MYPN: variants seen among roughly 807,000 people sequenced by gnomAD.
The protein encoded by MYPN is myopalladin.
A neutral mutation model predicts 129.4 loss-of-function variants in MYPN; 63 were observed. The ratio of observed to expected loss-of-function variants is 0.49; its 90% CI spans 0.40 to 0.60. The LOEUF is 0.60. Among genes scored for constraint, MYPN ranks in the 20% least tolerant of loss-of-function variants. MYPN has a pLI of 0.00. For missense variants in MYPN, 1,596 were observed against 1,635.4 expected, an observed-to-expected ratio of 0.98 and a Z score of 0.42; for synonymous variants, 629 against 600.9, an observed-to-expected ratio of 1.05 and a Z score of -0.68.
Position 68,121,749 on chromosome 10 carries a change from A to C in MYPN, c.311A>C (p.Gln104Pro). The change falls in exon 2 of 20, where the codon CAG (glutamine) becomes CCG (proline). Residue 104 changes from glutamine (Q) to proline (P), a missense_variant. Gln to Pro is a moderately conservative substitution (Grantham distance 76). Transcript: ENST00000358913. The stretch of plus-strand genomic sequence containing the variant: ...GCTAGAAAACGACTTTCTCCTGATC[A>C]GATGAAACACTCACCTAATTTAAGT... ...TQARKRLSPD[Q>P]MKHSPNLSFE... 6.2e-7 allele frequency: 1 copy of C among 1,614,238 alleles called. No homozygotes were observed. The highest frequency in any genetic ancestry group is 1.7e-5 in the Admixed American group (1 of 60,028).
At position 68,199,619 on chromosome 10, in the gene MYPN, G is replaced by C. The variant is rs2043676446; in HGVS notation, c.3493+44G>C. ...ACCCCTAAACACAACTTCCTCCAAAGTCATTACCCAAAGAGGCAGAGCCTC... is the reference window on the plus strand; with the variant it reads ...ACCCCTAAACACAACTTCCTCCAAACTCATTACCCAAAGAGGCAGAGCCTC... On this transcript the variant is annotated intron_variant, in intron 17 of 19. Coordinates refer to ENST00000358913, the MANE Select transcript of MYPN (RefSeq NM_032578.4). The C allele has an allele frequency of 3.8e-6, 6 of 1,586,458 alleles. 1 individual carries two copies. In the South Asian group the frequency reaches 6.6e-5, roughly 18 times the overall value.
At chr10:68,199,990 C>T in intron 17 of MYPN, among the ~76,000 whole-genome samples, 1 of 152,212 alleles carries the variant, frequency 6.6e-6, no homozygotes, top group Admixed American at 6.5e-5. Flanking sequence ...CTGCCTGGCA[C>T]CTCCTACTCA....
intron 8 of MYPN, chr10:68,165,343 T>C (rs962719704): frequency 7.0e-5 from 28 of 397,618 alleles, no homozygotes; most frequent in Non-Finnish European, 1.2e-4. Context: ...TCCCAGCTAC[T>C]CGGGAGGCTG....
intron 3 of MYPN, among the ~76,000 whole-genome samples, chr10:68,145,027 CT>C (rs768474511): frequency 0.036 from 5,055 of 141,622 alleles, 251 homozygotes; most frequent in African/African-American, 0.12. Flanking sequence ...GAGTTCATTT[CT>C]TTTTTTTTTT....
chr10:68,160,467 A>G (rs1300267704), intron 7 of MYPN, among the ~76,000 whole-genome samples: 1 of 150,056 alleles, frequency 6.7e-6, no homozygotes, highest in Non-Finnish European at 1.5e-5. Flanking sequence ...AGAGAGAGAG[A>G]AAAAAAAACT....
intron 1 of MYPN, among the ~76,000 whole-genome samples, chr10:68,093,688 C>T (rs1343237920): frequency 2.0e-5 from 3 of 150,448 alleles, no homozygotes; most frequent in Admixed American, 6.6e-5. Flanking sequence ...ACCCCGGAGG[C>T]GGAGCTTGCA....
intron 2 of MYPN, 90 bp downstream of exon 2, chr10:68,122,430 A>G: frequency 1.5e-6 from 2 of 1,344,502 alleles, no homozygotes; most frequent in Non-Finnish European, 2.1e-6. Flanking sequence ...CCTGGTTTAC[A>G]AAATTATATA....
chr10:68,209,369 G>A (rs886876310), intron 19 of MYPN, among the ~76,000 whole-genome samples: 7 of 152,212 alleles, frequency 4.6e-5, no homozygotes, highest in Admixed American at 1.3e-4. Flanking sequence ...ATGGTTGATT[G>A]TATCTAAATT....
Position 68,193,277 on chromosome 10 carries a change from C to A in MYPN, c.2926-1086C>A, listed in dbSNP as rs573639106. The stretch of plus-strand genomic sequence containing the variant: ...CCAGATAATTTCACTTAAAAAAAAA[C>A]CCCATCAGGAATGAGATCATTAAAT... On this transcript the variant is annotated intron_variant, in intron 13 of 19. Transcript: ENST00000358913. Among the ~76,000 whole-genome samples, 6 of 151,916 alleles carry A rather than the reference C, an allele frequency of 3.9e-5. No individual in the cohort carries two copies. In the South Asian group the frequency reaches 8.3e-4, roughly 21 times the overall value.
At chr10:68,133,446 A>G (rs2042440664) in intron 2 of MYPN, among the ~76,000 whole-genome samples, 1 of 152,144 alleles carries the variant, frequency 6.6e-6, no homozygotes, top group Admixed American at 6.5e-5. Flanking sequence ...TAAATAATGC[A>G]AATTGTAAAT....
chr10:68,166,196 C>A, intron 9 of MYPN, 98 bp from the exon 10 acceptor site: 1 of 1,400,074 alleles, frequency 7.1e-7, no homozygotes, highest in Non-Finnish European at 1.0e-6. Context: ...TTTTCCCATT[C>A]ATACATTCCT....
chr10:68,093,592 AAAG>A lies in MYPN; in HGVS notation c.-2+5603_-2+5605del, dbSNP rs1282530049. On this transcript the variant is annotated intron_variant, in intron 1 of 6. Coordinates refer to the MYPN transcript ENST00000685154. ...TCTCTACTAAAAAAAAAAAAAAAAAAAAGAAATACAAAAAATGAACCGGGTGTG... is the reference window on the plus strand; with the variant it reads ...TCTCTACTAAAAAAAAAAAAAAAAAAAAATACAAAAAATGAACCGGGTGTG... 4.4e-4 allele frequency among the ~76,000 whole-genome samples: 66 copies of A among 150,918 alleles called. 2 individuals carry two copies. Among genetic ancestry groups the A allele is most frequent in the Non-Finnish European group, 7.7e-4 (52 of 67,644 alleles).
intron 6 of MYPN, among the ~76,000 whole-genome samples, chr10:68,157,767 G>A (rs1291760168): frequency 6.6e-6 from 1 of 151,220 alleles, no homozygotes; most frequent in Non-Finnish European, 1.5e-5. Context: ...GCTTGAGCCT[G>A]GGAGGTTGAA....
Position 68,203,032 on chromosome 10 carries a change from G to T in MYPN, c.3659+1038G>T, listed in dbSNP as rs191521080. On this transcript the variant is annotated intron_variant, in intron 18 of 19. Coordinates refer to ENST00000358913, the MANE Select transcript of MYPN (RefSeq NM_032578.4). ...CTACAATTTTAAATATGGTTTTATT[G>T]GGCAAAAACAAAATCAATGTCTGGA... 6.1e-3 allele frequency among the ~76,000 whole-genome samples: 930 copies of T among 152,176 alleles called. 8 individuals are homozygous for T. The highest frequency in any genetic ancestry group is 0.01 in the Middle Eastern group (3 of 292).
rs1484845169 is a variant in MYPN, at chr10:68,121,909, C to T, written c.471C>T (p.Phe157=). Residue 157 remains phenylalanine (F), a synonymous_variant, in exon 2 of 20, where the codon TTC becomes TTT. Transcript: ENST00000358913. ...TATTTTTAAATAAGGCTGCCGACTT[C>T]ATTGAAGAGCTATCCTCCCTTTTCA... The part of the protein sequence containing the change: ...KKVFLNKAAD[F]IEELSSLFKS... 2.5e-6 allele frequency: 4 copies of T among 1,614,206 alleles called. No homozygotes were observed. The Admixed American group carries it at 6.7e-5, about 27-fold the overall frequency.
At chr10:68,191,164 A>G (rs1483871742) in intron 13 of MYPN, among the ~76,000 whole-genome samples, 1 of 150,152 alleles carries the variant, frequency 6.7e-6, no homozygotes. Flanking sequence ...TGTTTTGGCT[A>G]TTTGTGGTCT....
Position 68,202,013 on chromosome 10 carries a change from C to A in MYPN, c.3659+19C>A, listed in dbSNP as rs1465178515. 1.9e-6 allele frequency: 3 copies of A among 1,613,658 alleles called. No individual in the cohort carries two copies. In the African/African-American group the frequency reaches 4.0e-5, roughly 22 times the overall value. ...GGATCAGGTACAGCAGCCACCACAT[C>A]CAGAGGGACTCCCACTCTCAGTGGG... On this transcript the variant is annotated intron_variant, in intron 18 of 19. Transcript: ENST00000358913.
At position 68,199,515 on chromosome 10, in the gene MYPN, A is replaced by C. The variant is rs768125215; in HGVS notation, c.3433A>C (p.Lys1145Gln). The change falls in exon 17 of 20, where the codon AAG becomes CAG. Residue 1145 changes from lysine (K) to glutamine (Q), a missense_variant. By Grantham distance (53) the Lys-to-Gln change is moderately conservative (BLOSUM62 1). Transcript: ENST00000358913. ...PLTQRDAGTY[K>Q]CIATNKTGQN... ...CACTCAGCGCGACGCAGGGACCTAT[A>C]AGTGCATCGCTACCAACAAAACCGG... 50 of 1,614,008 alleles carry C rather than the reference A, an allele frequency of 3.1e-5. No individual in the cohort carries two copies. The highest frequency in any genetic ancestry group is 4.2e-5 in the Non-Finnish European group (49 of 1,180,010).
chr10:68,208,057 A>T (rs1225495350), intron 19 of MYPN, among the ~76,000 whole-genome samples: 1 of 152,246 alleles, frequency 6.6e-6, no homozygotes, highest in Non-Finnish European at 1.5e-5. Context: ...AAAGGATCTA[A>T]GAAATAAATT....
Sources: allele counts gnomAD v4.1 joint callset (sites outside exome capture counted in the v4.1 genomes callset), GRCh38; gene constraint gnomAD v4.1.1; transcripts MANE v1.5; gene names NCBI Gene and HGNC (gene_info 2026-07-23, HGNC 2026-07-21).